Variants in PCSK2 observed in about 807,000 individuals in gnomAD.
The protein encoded by PCSK2 is proprotein convertase subtilisin/kexin type 2.
PCSK2 carries 14 observed loss-of-function variants against 69.7 expected under a neutral mutation model. The ratio of observed to expected loss-of-function variants is 0.20; its 90% CI spans 0.13 to 0.31. The LOEUF (loss-of-function observed/expected upper bound fraction) is 0.31, where lower values mean the gene tolerates loss of function less well. PCSK2 is among the 10% of genes least tolerant of loss of function. PCSK2 has a pLI of 1.00. For missense variants in PCSK2, 544 were observed against 842.5 expected (o/e 0.65, Z 4.39); for synonymous variants, 307 against 320.7 (o/e 0.96, Z 0.46).
chr20:17,450,269 C>T (rs948327876), intron 8 of PCSK2, among the ~76,000 whole-genome samples: 6 of 151,918 alleles, frequency 3.9e-5, no homozygotes, highest in Non-Finnish European at 2.9e-5. Context: ...ACCTCGTGAT[C>T]CGCCCACCTC....
Position 17,483,983 on chromosome 20 carries a change from A to G in PCSK2, c.*1913A>G, listed in dbSNP as rs1276254451. ...CACTTGTATAAATGTATATACACATATACCTATAATGTGTGTATGTGTATT... is the reference window on the plus strand; with the variant it reads ...CACTTGTATAAATGTATATACACATGTACCTATAATGTGTGTATGTGTATT... On this transcript the variant is annotated 3_prime_UTR_variant, in exon 12 of 12. Coordinates refer to ENST00000262545, the MANE Select transcript of PCSK2 (RefSeq NM_002594.5). The G allele has an allele frequency of 6.6e-6, 1 of 152,574 alleles. No individual in the cohort carries two copies. Among genetic ancestry groups the G allele is most frequent in the Non-Finnish European group, 1.5e-5 (1 of 68,018 alleles). 9.5% of individuals were successfully genotyped at this position (152,574 alleles called of 1,614,324 possible).
At chr20:17,399,583 G>A (rs982753919) in intron 5 of PCSK2, among the ~76,000 whole-genome samples, 1 of 152,192 alleles carries the variant, frequency 6.6e-6, no homozygotes, top group Non-Finnish European at 1.5e-5. Flanking sequence ...CAAGTATACG[G>A]AGGTGTTAAA....
intron 1 of PCSK2, among the ~76,000 whole-genome samples, chr20:17,235,436 T>A (rs1303620981): frequency 6.6e-6 from 1 of 152,152 alleles, no homozygotes; most frequent in Non-Finnish European, 1.5e-5. Context: ...TTTTCCTAAA[T>A]AGATTCATTT....
chr20:17,323,019 C>T (rs1330617457), intron 2 of PCSK2, among the ~76,000 whole-genome samples: 2 of 152,104 alleles, frequency 1.3e-5, no homozygotes, highest in African/African-American at 4.8e-5. Context: ...TGCATGCCAC[C>T]ACGCCTGGCT....
chr20:17,357,593 T>C (rs1166332120), intron 2 of PCSK2, among the ~76,000 whole-genome samples: 9 of 152,206 alleles, frequency 5.9e-5, no homozygotes, highest in Non-Finnish European at 1.3e-4. Context: ...CACATTATCT[T>C]CTTTAAGAAT....
At chr20:17,325,047 C>T in intron 2 of PCSK2, among the ~76,000 whole-genome samples, 1 of 152,156 alleles carries the variant, frequency 6.6e-6, no homozygotes, top group East Asian at 1.9e-4. Context: ...GGTCAGCCTT[C>T]CTCGTGGAAG....
rs114645834 is a variant in PCSK2, at chr20:17,461,068, C to T, written c.1203-4258C>T. On this transcript the variant is annotated intron_variant, in intron 10 of 11. Transcript: ENST00000262545. ...TAGAAAAGGCCCTGCCACTGTCTTG[C>T]CTGTGGGGCTCACCACTCATCCTGC... Among the ~76,000 whole-genome samples, 658 of 152,204 alleles carry T rather than the reference C, an allele frequency of 4.3e-3. 4 individuals are homozygous for T. Among genetic ancestry groups the T allele is most frequent in the African/African-American group, 0.015 (622 of 41,510 alleles).
At chr20:17,296,595 C>A (rs571710454) in intron 2 of PCSK2, among the ~76,000 whole-genome samples, 1 of 152,150 alleles carries the variant, frequency 6.6e-6, no homozygotes, top group African/African-American at 2.4e-5. Flanking sequence ...AAATGAACAT[C>A]CCTTCAGTTA....
intron 5 of PCSK2, 112 bp from the exon 6 acceptor site, chr20:17,409,151 C>G (rs1476761670): frequency 1.2e-6 from 1 of 803,500 alleles, no homozygotes; most frequent in Non-Finnish European, 2.2e-6. Flanking sequence ...TCCAGTGCAG[C>G]ACACTAATCC....
intron 11 of PCSK2, among the ~76,000 whole-genome samples, chr20:17,474,652 G>T (rs1037220542): frequency 1.3e-5 from 2 of 152,112 alleles, no homozygotes; most frequent in Admixed American, 6.5e-5. Context: ...AAACAGATAC[G>T]ACAGCCACCA....
In PCSK2 at chr20:17,482,864, T is replaced by A. The variant is rs2033433972; in HGVS notation, c.*794T>A. ...TATAGAGTTCATCCCAGCCCCAATTTTCTGGGGCTCCTCACATAGCTACCC... is the reference window on the plus strand; with the variant it reads ...TATAGAGTTCATCCCAGCCCCAATTATCTGGGGCTCCTCACATAGCTACCC... On this transcript the variant is annotated 3_prime_UTR_variant, in exon 12 of 12. Transcript: ENST00000262545. The A allele has an allele frequency of 6.6e-6, 1 of 152,252 alleles. No individual in the cohort carries two copies. The highest frequency in any genetic ancestry group is 6.5e-5 in the Admixed American group (1 of 15,272). The allele number at this position is 152,252 out of a possible 1,614,324, so 9.4% of individuals were successfully genotyped here. A position where few individuals can be genotyped will look rare whatever the true frequency, so the allele number is the denominator to read the frequency against.
chr20:17,319,991 G>A (rs889746222), intron 2 of PCSK2, among the ~76,000 whole-genome samples: 1 of 151,876 alleles, frequency 6.6e-6, no homozygotes. Context: ...ATTTATAAGG[G>A]GAAAATCTAT....
intron 2 of PCSK2, among the ~76,000 whole-genome samples, chr20:17,306,285 A>G (rs1254806487): frequency 6.6e-6 from 1 of 152,078 alleles, no homozygotes; most frequent in Non-Finnish European, 1.5e-5. Flanking sequence ...TTGTTTTCTT[A>G]CTTGTTTACT....
At chr20:17,440,099 GT>G (rs2032565646) in intron 8 of PCSK2, among the ~76,000 whole-genome samples, 1 of 152,218 alleles carries the variant, frequency 6.6e-6, no homozygotes, top group South Asian at 2.1e-4. Flanking sequence ...AGAGACCTGA[GT>G]TTTAACCTCA....
intron 1 of PCSK2, 126 bp downstream of exon 1, chr20:17,227,608 G>C (rs1985978583): frequency 1.0e-5 from 7 of 691,084 alleles, no homozygotes; most frequent in East Asian, 2.7e-5. Context: ...TTCTGCCATG[G>C]GCTCTTTAAC....
Position 17,481,852 on chromosome 20 carries a change from A to G in PCSK2, c.1699A>G (p.Thr567Ala), listed in dbSNP as rs1268975062. 6.2e-7 allele frequency: 1 copy of G among 1,614,002 alleles called. No homozygotes were observed. The highest frequency in any genetic ancestry group is 8.5e-7 in the Non-Finnish European group (1 of 1,180,018). The change falls in exon 12 of 12, where the codon ACC becomes GCC. Residue 567 changes from threonine to alanine, a missense_variant. Physicochemically the swap from Thr to Ala is moderately conservative, Grantham distance 58 (BLOSUM62 0). Coordinates refer to ENST00000262545, the MANE Select transcript of PCSK2 (RefSeq NM_002594.5). ...THTWGEDARGTWTLELGFVGS... is the reference protein window; with the variant it reads ...THTWGEDARGAWTLELGFVGS... ...CACGTGGGGGGAAGACGCCCGAGGC[A>G]CCTGGACCCTGGAGCTGGGATTTGT...
intron 6 of PCSK2, among the ~76,000 whole-genome samples, chr20:17,413,469 A>G (rs1198732731): frequency 6.6e-6 from 1 of 152,234 alleles, no homozygotes. Flanking sequence ...GATCAATTCA[A>G]CAAGAAGAGC....
chr20:17,329,216 C>T lies in PCSK2; in HGVS notation c.283-29111C>T, dbSNP rs572009808. On this transcript the variant is annotated intron_variant, in intron 2 of 11. Transcript: ENST00000262545. ...ATGTTAAATCCAAAATTTAATGACTCGAGGGTTTTTGGAGAAAAAGAAACC... is the reference window on the plus strand; with the variant it reads ...ATGTTAAATCCAAAATTTAATGACTTGAGGGTTTTTGGAGAAAAAGAAACC... 4.6e-5 allele frequency among the ~76,000 whole-genome samples: 7 copies of T among 152,154 alleles called. No individual in the cohort carries two copies. The East Asian group carries it at 7.7e-4, about 17-fold the overall frequency.
At chr20:17,349,608 C>T (rs1005517315) in intron 2 of PCSK2, among the ~76,000 whole-genome samples, 3 of 151,826 alleles carry the variant, frequency 2.0e-5, no homozygotes, top group Admixed American at 6.6e-5. Context: ...CATATGGATG[C>T]GTCCTCAAGC....
Sources: gnomAD v4.1 joint callset for allele counts (sites outside exome capture counted in the v4.1 genomes callset) on GRCh38, gnomAD v4.1.1 for gene constraint, MANE v1.5 for transcripts, NCBI Gene and HGNC (gene_info 2026-07-23, HGNC 2026-07-21) for gene names.